The following ELOVL6 variants were observed in gnomAD, a reference collection of about 807,000 sequenced individuals.
ELOVL6 encodes ELOVL fatty acid elongase 6, also known as very long chain fatty acid elongase 6.
ELOVL6 carries 8 observed loss-of-function variants against 31.7 expected under a neutral mutation model. The observed-to-expected ratio is 0.25, with a 90% CI of 0.15 to 0.45. The LOEUF (loss-of-function observed/expected upper bound fraction) is 0.45. ELOVL6 is among the 20% of genes least tolerant of loss of function. ELOVL6 has a pLI of 1.00. For synonymous variants in ELOVL6, 101 were observed against 117.7 expected (o/e 0.86, Z 0.92); for missense variants, 126 against 326.4 (o/e 0.39, Z 4.73).
At chr4:110,144,438 T>G (rs368606614) in intron 1 of ELOVL6, among the ~76,000 whole-genome samples, 1 of 152,228 alleles carries the variant, frequency 6.6e-6, no homozygotes, top group Non-Finnish European at 1.5e-5. Context: ...AAAATCATAT[T>G]TGCTTAGCTC....
Position 110,050,318 on chromosome 4 carries a change from AG to A in ELOVL6, c.*1019del, listed in dbSNP as rs1395330443. On this transcript the variant is annotated 3_prime_UTR_variant, in exon 4 of 4. Coordinates refer to ENST00000302274, the MANE Select transcript of ELOVL6 (RefSeq NM_024090.3). ...TGAGTGTGTGTGAAGTCAAACAGGG[AG>A]GGGCATACACACCATCTGTCTGTCG... 4.6e-5 allele frequency: 7 copies of A among 152,548 alleles called. No individual in the cohort carries two copies. In the East Asian group the frequency reaches 1.3e-3, roughly 29 times the overall value. 9.4% of individuals were successfully genotyped at this position (152,548 alleles called of 1,614,324 possible). A position where few individuals can be genotyped will look rare whatever the true frequency, so the allele number is the denominator to read the frequency against.
At chr4:110,056,131 G>GGGA in intron 3 of ELOVL6, among the ~76,000 whole-genome samples, 1 of 140,346 alleles carries the variant, frequency 7.1e-6, no homozygotes, top group Admixed American at 7.1e-5. Context: ...CTGGGGGGGG[G>GGGA]GATACAGTTT....
chr4:110,176,667 T>C (rs949576120), intron 1 of ELOVL6, among the ~76,000 whole-genome samples: 1 of 152,228 alleles, frequency 6.6e-6, no homozygotes, highest in African/African-American at 2.4e-5. Flanking sequence ...TGGAGGGCAA[T>C]GTGCCTGGCC....
chr4:110,152,711 A>G (rs11733718), intron 1 of ELOVL6, among the ~76,000 whole-genome samples: 69,020 of 152,110 alleles, frequency 0.45, 16,888 homozygotes, highest in East Asian at 0.65. Context: ...TCACATACAC[A>G]GATCACACGT....
intron 2 of ELOVL6, among the ~76,000 whole-genome samples, chr4:110,069,808 G>C (rs546098650): frequency 1.3e-5 from 2 of 152,226 alleles, no homozygotes; most frequent in African/African-American, 4.8e-5. Flanking sequence ...TAACACCTAG[G>C]AGTCATCTCA....
intron 2 of ELOVL6, among the ~76,000 whole-genome samples, chr4:110,084,563 G>GATATATAT (rs1553956219): frequency 7.9e-4 from 35 of 44,552 alleles, no homozygotes; most frequent in South Asian, 1.8e-3. Context: ...CACACACACA[G>GATATATAT]ATATATATAT....
chr4:110,084,072 T>TATATGGTATATAACAC (rs1756023777), intron 2 of ELOVL6, among the ~76,000 whole-genome samples: 3 of 115,018 alleles, frequency 2.6e-5, no homozygotes, highest in East Asian at 2.5e-4. Flanking sequence ...ATAACATATA[T>TATATGGTATATAACAC]ATGCTATATA....
At chr4:110,079,790 A>G (rs1276467849) in intron 2 of ELOVL6, among the ~76,000 whole-genome samples, 6 of 152,308 alleles carry the variant, frequency 3.9e-5, no homozygotes, top group African/African-American at 9.6e-5. Flanking sequence ...AAAAAAATCA[A>G]TGAATCCAGG....
chr4:110,189,804 T>TA (rs201484185), intron 1 of ELOVL6, among the ~76,000 whole-genome samples: 2,326 of 151,670 alleles, frequency 0.015, 59 homozygotes, highest in African/African-American at 0.053. Context: ...CCGTCTCTAC[T>TA]AAAAATAGAA....
intron 1 of ELOVL6, among the ~76,000 whole-genome samples, chr4:110,141,722 C>G (rs1465904385): frequency 1.4e-5 from 2 of 144,676 alleles, no homozygotes; most frequent in Non-Finnish European, 3.0e-5. Context: ...CATATATATA[C>G]TAATTGTATT....
At chr4:110,171,001 G>A (rs1437457397) in intron 1 of ELOVL6, among the ~76,000 whole-genome samples, 4 of 152,120 alleles carry the variant, frequency 2.6e-5, no homozygotes, top group Admixed American at 1.3e-4. Flanking sequence ...ATTGAGTCCT[G>A]AGACCCTCAA....
intron 1 of ELOVL6, among the ~76,000 whole-genome samples, chr4:110,133,186 AAG>A (rs775619242): frequency 2.6e-5 from 4 of 152,176 alleles, no homozygotes; most frequent in African/African-American, 7.2e-5. Context: ...GGGTAGAGAA[AAG>A]AGAGGAAGTT....
At chr4:110,140,615 CAA>C (rs1757927016) in intron 1 of ELOVL6, among the ~76,000 whole-genome samples, 1 of 151,744 alleles carries the variant, frequency 6.6e-6, no homozygotes, top group South Asian at 2.1e-4. Flanking sequence ...CAATTGTAAC[CAA>C]GAGATAATAC....
At chr4:110,135,730 G>A (rs1198508816) in intron 1 of ELOVL6, among the ~76,000 whole-genome samples, 3 of 152,144 alleles carry the variant, frequency 2.0e-5, no homozygotes, top group Non-Finnish European at 2.9e-5. Context: ...GAATAATGAA[G>A]TAATCCTCCT....
intron 1 of ELOVL6, among the ~76,000 whole-genome samples, chr4:110,178,398 C>T (rs571778019): frequency 2.1e-4 from 32 of 151,910 alleles, no homozygotes; most frequent in African/African-American, 7.5e-4. Flanking sequence ...AAAAATTAGC[C>T]GAGTGTGGTG....
chr4:110,104,898 T>C (rs1471812089), intron 2 of ELOVL6, among the ~76,000 whole-genome samples: 2 of 152,240 alleles, frequency 1.3e-5, no homozygotes, highest in Non-Finnish European at 2.9e-5. Flanking sequence ...AGAACAGGCC[T>C]TGTCCTGACA....
Position 110,070,181 on chromosome 4 carries a change from A to G in ELOVL6, c.222-10427T>C, listed in dbSNP as rs1049282499. On this transcript the variant is annotated intron_variant, in intron 2 of 3. Coordinates refer to ENST00000302274, the MANE Select transcript of ELOVL6 (RefSeq NM_024090.3). ...ATTCCTGTGGAGGCTCAGCCATGCC[A>G]AATGAATACTGATTTCAACTACAAA... 1.2e-4 allele frequency among the ~76,000 whole-genome samples: 19 copies of G among 152,320 alleles called. 1 individual carries two copies. The highest frequency in any genetic ancestry group is 1.0e-3 in the Admixed American group (16 of 15,306).
chr4:110,057,529 T>C (rs541325445), intron 3 of ELOVL6, among the ~76,000 whole-genome samples: 5 of 152,134 alleles, frequency 3.3e-5, no homozygotes, highest in African/African-American at 1.2e-4. Context: ...TAATTCAGAC[T>C]TTAATAACGT....
chr4:110,135,592 G>C (rs1330156124), intron 1 of ELOVL6, among the ~76,000 whole-genome samples: 1 of 152,196 alleles, frequency 6.6e-6, no homozygotes, highest in Non-Finnish European at 1.5e-5. Flanking sequence ...AAATAGGTAA[G>C]TTCAAGGGAC....
Sources: gnomAD v4.1 joint callset for allele counts (sites outside exome capture counted in the v4.1 genomes callset) on GRCh38, gnomAD v4.1.1 for gene constraint, MANE v1.5 for transcripts, NCBI Gene and HGNC (gene_info 2026-07-23, HGNC 2026-07-21) for gene names.